GPATCH8: variants seen among roughly 807,000 people sequenced by gnomAD.
The protein encoded by GPATCH8 is G-patch domain containing 8.
GPATCH8 carries 18 observed loss-of-function variants against 118.3 expected under a neutral mutation model. That is an observed-to-expected ratio of 0.15 (90% CI 0.11 to 0.23). The LOEUF is 0.23. GPATCH8 is among the 10% of genes least tolerant of loss of function. The probability of loss-of-function intolerance (pLI) is 1.00; values close to 1 mark genes in which losing one functional copy is unlikely to be tolerated. For synonymous variants in GPATCH8, 659 were observed against 684.7 expected (o/e 0.96, Z 0.59); for missense variants, 1,631 against 1,873.8 (o/e 0.87, Z 2.39).
chr17:44,475,488 G>C (rs1334186185), intron 1 of GPATCH8, among the ~76,000 whole-genome samples: 2 of 150,412 alleles, frequency 1.3e-5, no homozygotes, highest in African/African-American at 2.4e-5. Flanking sequence ...CACGAGGCCA[G>C]GAGATTTAGA....
At chr17:44,404,482 G>T (rs1440621375) in intron 7 of GPATCH8, among the ~76,000 whole-genome samples, 1 of 152,080 alleles carries the variant, frequency 6.6e-6, no homozygotes, top group African/African-American at 2.4e-5. Context: ...GGGAATCATT[G>T]TAATAGTGTC....
chr17:44,414,230 T>TG (rs1374498544), intron 6 of GPATCH8, among the ~76,000 whole-genome samples: 1 of 151,318 alleles, frequency 6.6e-6, no homozygotes, highest in Non-Finnish European at 1.5e-5. Context: ...TCACCACCAC[T>TG]ACCACCATGA....
Position 44,396,059 on chromosome 17 carries a change from T to A in GPATCH8, c.*1509A>T, listed in dbSNP as rs897619589. ...AACTATGAAGCAAAATATCTGTAAA[T>A]GTGCTCACCTCCCAACAAAAGGAAG... On this transcript the variant is annotated 3_prime_UTR_variant, in exon 8 of 8. Coordinates refer to ENST00000591680, the MANE Select transcript of GPATCH8 (RefSeq NM_001002909.4). The A allele has an allele frequency of 1.5e-5, 7 of 454,480 alleles. No individual in the cohort carries two copies. In the Admixed American group the frequency reaches 1.6e-4, roughly 11 times the overall value. 28.2% of individuals were successfully genotyped at this position (454,480 alleles called of 1,614,324 possible). A position where few individuals can be genotyped will look rare whatever the true frequency, so the allele number is the denominator to read the frequency against.
chr17:44,455,115 A>C (rs1339511403), intron 3 of GPATCH8, among the ~76,000 whole-genome samples: 1 of 152,210 alleles, frequency 6.6e-6, no homozygotes, highest in East Asian at 1.9e-4. Flanking sequence ...TTTTCCTAAG[A>C]AGGGAAAAGG....
At chr17:44,471,472 G>A (rs959478522) in intron 2 of GPATCH8, among the ~76,000 whole-genome samples, 1 of 151,898 alleles carries the variant, frequency 6.6e-6, no homozygotes, top group African/African-American at 2.4e-5. Context: ...GACCTCCACG[G>A]TTACCAGCTG....
Position 44,397,169 on chromosome 17 carries a change from C to T in GPATCH8, c.*399G>A, listed in dbSNP as rs1482615099. ...AGACCAGATGGGCCCACAGCAAGTGCTCTGGTGACAACCCACTGGCCAGAG... is the reference window on the plus strand; with the variant it reads ...AGACCAGATGGGCCCACAGCAAGTGTTCTGGTGACAACCCACTGGCCAGAG... On this transcript the variant is annotated 3_prime_UTR_variant, in exon 8 of 8. Transcript: ENST00000591680. 8.7e-6 allele frequency: 4 copies of T among 459,066 alleles called. No individual in the cohort carries two copies. The highest frequency in any genetic ancestry group is 1.7e-5 in the Non-Finnish European group (4 of 230,332). The allele number at this position is 459,066 out of a possible 1,614,324, so 28.4% of individuals were successfully genotyped here. A position where few individuals can be genotyped will look rare whatever the true frequency, so the allele number is the denominator to read the frequency against.
chr17:44,425,182 T>C (rs752106814), intron 5 of GPATCH8, among the ~76,000 whole-genome samples: 1 of 152,222 alleles, frequency 6.6e-6, no homozygotes. Context: ...CATTTGCTAA[T>C]GTCGCACAGA....
intron 6 of GPATCH8, among the ~76,000 whole-genome samples, chr17:44,417,166 T>A (rs1322847277): frequency 6.6e-6 from 1 of 152,144 alleles, no homozygotes; most frequent in Non-Finnish European, 1.5e-5. Context: ...AAATTTCTGT[T>A]CCTTGGTAAT....
chr17:44,502,579 G>C (rs1175320370), intron 1 of GPATCH8, among the ~76,000 whole-genome samples: 1 of 152,124 alleles, frequency 6.6e-6, no homozygotes, highest in Admixed American at 6.6e-5. Context: ...TGCAATTGAA[G>C]AAAGAAAAAT....
At chr17:44,472,071 C>A (rs953761937) in intron 2 of GPATCH8, among the ~76,000 whole-genome samples, 2 of 151,460 alleles carry the variant, frequency 1.3e-5, no homozygotes, top group Admixed American at 6.6e-5. Flanking sequence ...CCATGAAGTT[C>A]TCTCCTACAA....
At chr17:44,487,547 T>TA (rs1338773418) in intron 1 of GPATCH8, among the ~76,000 whole-genome samples, 1 of 152,214 alleles carries the variant, frequency 6.6e-6, no homozygotes, top group African/African-American at 2.4e-5. Context: ...GATTGAACGG[T>TA]AAAAAATAGG....
At chr17:44,473,802 C>T (rs772160790) in intron 2 of GPATCH8, 3 of 152,218 alleles carry the variant, frequency 2.0e-5, no homozygotes, top group Non-Finnish European at 2.9e-5. Context: ...GTGTAAATTT[C>T]TGTAAACATC....
chr17:44,431,378 G>GAAAAAAAAAAA (rs776468380), intron 5 of GPATCH8, among the ~76,000 whole-genome samples: 1 of 47,784 alleles, frequency 2.1e-5, no homozygotes, highest in African/African-American at 7.0e-5. Context: ...TCTCAAAAAG[G>GAAAAAAAAAAA]AAAAAAAAAA....
At chr17:44,447,366 C>T (rs2050924888) in intron 3 of GPATCH8, among the ~76,000 whole-genome samples, 1 of 150,470 alleles carries the variant, frequency 6.6e-6, no homozygotes, top group South Asian at 2.1e-4. Context: ...ACTATATTGG[C>T]CAGGCTGGTC....
chr17:44,493,024 C>A (rs567822223), intron 1 of GPATCH8, among the ~76,000 whole-genome samples: 43 of 149,288 alleles, frequency 2.9e-4, no homozygotes, highest in Admixed American at 8.1e-4. Flanking sequence ...TGGTTTATAA[C>A]CAATTAAACC....
In GPATCH8 at chr17:44,399,582, G is replaced by C. The variant is rs760836453; in HGVS notation, c.2495C>G (p.Ser832Cys). ...TTCTTCCTCACTGTACTGGGATGGA[G>C]ACTTCTGGTGCAGCCGGTGTGAGGA... ...DASSHRLHQKSPSQYSEEEEE... is the reference protein window; with the variant it reads ...DASSHRLHQKCPSQYSEEEEE... The change falls in exon 8 of 8, where the codon TCT (serine) becomes TGT (cysteine). Residue 832 changes from serine to cysteine, a missense_variant. By Grantham distance (112) the Ser-to-Cys change is moderately radical. This residue lies in a region of GPATCH8 where 922 missense variants were observed against 879.7 expected (regional missense o/e 1.05). Transcript: ENST00000591680. 2.8e-5 allele frequency: 45 copies of C among 1,614,074 alleles called. 1 individual carries two copies. In the Admixed American group the frequency reaches 3.2e-4, roughly 11 times the overall value.
intron 3 of GPATCH8, among the ~76,000 whole-genome samples, chr17:44,463,699 G>A (rs1440306885): frequency 6.6e-6 from 1 of 152,198 alleles, no homozygotes; most frequent in Non-Finnish European, 1.5e-5. Flanking sequence ...AATTTCTGAG[G>A]TAGCATTCAT....
intron 1 of GPATCH8, among the ~76,000 whole-genome samples, chr17:44,476,067 T>C (rs1179450307): frequency 6.6e-6 from 1 of 152,172 alleles, no homozygotes; most frequent in African/African-American, 2.4e-5. Flanking sequence ...AATCTAGGCC[T>C]AGTAATCTGA....
intron 6 of GPATCH8, among the ~76,000 whole-genome samples, chr17:44,420,326 G>C (rs367975505): frequency 3.4e-4 from 52 of 152,280 alleles, no homozygotes; most frequent in African/African-American, 1.2e-3. Flanking sequence ...ACAATAATTT[G>C]TTTGTACTAA....
Sources: gnomAD v4.1 joint callset for allele counts (sites outside exome capture counted in the v4.1 genomes callset) on GRCh38, gnomAD v4.1.1 for gene constraint, gnomAD v4.1.1 regional missense constraint, MANE v1.5 for transcripts, NCBI Gene and HGNC (gene_info 2026-07-23, HGNC 2026-07-21) for gene names.